The following PCDHGB2 variants were observed in gnomAD, a reference collection of about 807,000 sequenced individuals.
PCDHGB2 encodes protocadherin gamma-B2.
Under a neutral mutation model 59.3 loss-of-function variants are expected in PCDHGB2, and 55 were observed. The ratio of observed to expected loss-of-function variants is 0.93; its 90% CI spans 0.75 to 1.16. PCDHGB2 has a LOEUF of 1.16. Among genes scored for constraint, PCDHGB2 ranks in the 50% most tolerant of loss-of-function variants. PCDHGB2 has a pLI of 0.00. For missense variants in PCDHGB2, 1,228 were observed against 1,198.5 expected (o/e 1.02, Z -0.36); for synonymous variants, 516 against 512.0 (o/e 1.01, Z -0.11).
intron 1 of PCDHGB2, chr5:141,375,485 G>A (rs1478417043): frequency 6.2e-7 from 1 of 1,613,794 alleles, no homozygotes; most frequent in Non-Finnish European, 8.5e-7. Flanking sequence ...CAACCCCAGG[G>A]GTGCCTCCAT....
intron 1 of PCDHGB2, among the ~76,000 whole-genome samples, chr5:141,452,522 A>G (rs924248463): frequency 6.6e-6 from 1 of 152,310 alleles, no homozygotes; most frequent in African/African-American, 2.4e-5. Context: ...CTCCCTCAAA[A>G]TCGTGAGTTC....
chr5:141,428,430 GA>G, intron 1 of PCDHGB2: 1 of 421,748 alleles, frequency 2.4e-6, no homozygotes. Flanking sequence ...TCTGTTCTAA[GA>G]CTAGACCAGG....
chr5:141,369,621 C>T (rs1255765224), intron 1 of PCDHGB2, among the ~76,000 whole-genome samples: 2 of 152,294 alleles, frequency 1.3e-5, no homozygotes, highest in East Asian at 1.9e-4. Flanking sequence ...ATCATTTCCT[C>T]ATTACCTTTA....
intron 1 of PCDHGB2, chr5:141,377,873 T>C (rs1304157749): frequency 6.6e-6 from 1 of 152,196 alleles, no homozygotes; most frequent in Admixed American, 6.5e-5. Context: ...AGACTTCTCT[T>C]ATCAGAGATA....
chr5:141,417,862 G>C, intron 1 of PCDHGB2: 1 of 1,550,466 alleles, frequency 6.4e-7, no homozygotes, highest in Non-Finnish European at 8.7e-7. Flanking sequence ...AGCGAACGAT[G>C]GGAGGGAGCT....
intron 3 of PCDHGB2, among the ~76,000 whole-genome samples, chr5:141,509,345 G>A (rs1203328830): frequency 6.6e-6 from 1 of 152,196 alleles, no homozygotes; most frequent in Non-Finnish European, 1.5e-5. Flanking sequence ...GGCCTGGGCT[G>A]GCCTGGGCAT....
chr5:141,378,459 G>T (rs1022046466), intron 1 of PCDHGB2: 5 of 152,250 alleles, frequency 3.3e-5, no homozygotes, highest in Admixed American at 6.5e-5. Context: ...TGAGGCAGAG[G>T]TTGCAGTGAG....
At position 141,491,597 on chromosome 5, in the gene PCDHGB2, A is replaced by T. The variant is rs1389838814; in HGVS notation, c.2422-3210A>T. Reference sequence around the variant, plus strand: ...TTTTCACCGGCCTCGGACGGCAGTGACTTCACTTTTCTAAGACCCCTCAGC... The same window carrying T: ...TTTTCACCGGCCTCGGACGGCAGTGTCTTCACTTTTCTAAGACCCCTCAGC... On this transcript the variant is annotated intron_variant, in intron 1 of 3. Coordinates refer to ENST00000522605, the MANE Select transcript of PCDHGB2 (RefSeq NM_018923.3). This position sits in a 1 kb window ranked among gnomAD's most constrained non-coding sequence, Gnocchi z 6.9. 1.2e-6 allele frequency: 2 copies of T among 1,613,788 alleles called. No individual in the cohort carries two copies. The highest frequency in any genetic ancestry group is 1.7e-6 in the Non-Finnish European group (2 of 1,180,012).
intron 1 of PCDHGB2, chr5:141,430,688 A>G: frequency 1.4e-6 from 2 of 1,402,360 alleles, no homozygotes; most frequent in Non-Finnish European, 1.9e-6. Context: ...GTCCCATTCT[A>G]TGGGCGAAGG....
intron 1 of PCDHGB2, chr5:141,365,417 G>C: frequency 6.2e-7 from 1 of 1,613,940 alleles, no homozygotes; most frequent in South Asian, 1.1e-5. Context: ...CTGTCTTCCC[G>C]GAACTGTAAT....
chr5:141,473,894 T>C (rs1224416966), intron 1 of PCDHGB2, among the ~76,000 whole-genome samples: 1 of 152,134 alleles, frequency 6.6e-6, no homozygotes, highest in Non-Finnish European at 1.5e-5. Context: ...GTTCTGTTGG[T>C]TCATGAAGAG....
At chr5:141,391,837 T>C (rs2092427916) in intron 1 of PCDHGB2, 1 of 152,236 alleles carries the variant, frequency 6.6e-6, no homozygotes, top group Non-Finnish European at 1.5e-5. Flanking sequence ...TTAGAATATA[T>C]GTAAAAGTCA....
intron 1 of PCDHGB2, 63 bp from the exon 2 acceptor site, chr5:141,494,744 G>T: frequency 6.2e-7 from 1 of 1,612,702 alleles, no homozygotes; most frequent in South Asian, 1.1e-5. Flanking sequence ...CATCCCTAGG[G>T]GCTCGGGTGA....
chr5:141,481,895 A>G (rs1285005477), intron 1 of PCDHGB2, among the ~76,000 whole-genome samples: 2 of 147,522 alleles, frequency 1.4e-5, no homozygotes, highest in Non-Finnish European at 3.0e-5. Context: ...GCCTGGGTGA[A>G]AGAGCGAAAC....
chr5:141,393,274 T>G (rs747983531), intron 1 of PCDHGB2: 11 of 1,613,952 alleles, frequency 6.8e-6, no homozygotes, highest in Non-Finnish European at 9.3e-6. Flanking sequence ...CGTTATCCAC[T>G]CCCAGAAGCT....
In PCDHGB2 at chr5:141,476,245, G is replaced by C; in HGVS notation, c.2422-18562G>C. 3.1e-6 allele frequency: 5 copies of C among 1,614,086 alleles called. No homozygotes were observed. The highest frequency in any genetic ancestry group is 3.4e-6 in the Non-Finnish European group (4 of 1,180,026). On this transcript the variant is annotated intron_variant, in intron 1 of 3. Transcript: ENST00000522605. This position sits in a 1 kb window ranked among gnomAD's most constrained non-coding sequence, Gnocchi z 7.6. The stretch of plus-strand genomic sequence containing the variant: ...ATGAGATCCCGGAGGAAAGAGAGAA[G>C]GGTTTCGCTGTGGGCAACGTGGTCG...
At chr5:141,409,024 T>C (rs2095212064) in intron 1 of PCDHGB2, 2 of 1,613,988 alleles carry the variant, frequency 1.2e-6, no homozygotes, top group South Asian at 1.1e-5. Context: ...AGGGGGTCAA[T>C]GCTGAGATAA....
chr5:141,390,538 C>CA, intron 1 of PCDHGB2: 3 of 518,310 alleles, frequency 5.8e-6, no homozygotes, highest in Non-Finnish European at 1.0e-5. Flanking sequence ...GTTTTAACCA[C>CA]AAAGTGAAAG....
At chr5:141,409,021 C>T in intron 1 of PCDHGB2, 4 of 1,613,972 alleles carry the variant, frequency 2.5e-6, no homozygotes, top group Non-Finnish European at 3.4e-6. Context: ...ATGAGGGGGT[C>T]AATGCTGAGA....
Sources: allele counts gnomAD v4.1 joint callset (sites outside exome capture counted in the v4.1 genomes callset), GRCh38; gene constraint gnomAD v4.1.1; non-coding constraint Gnocchi (gnomAD v3.1); transcripts MANE v1.5; gene names NCBI Gene and HGNC (gene_info 2026-07-23, HGNC 2026-07-21).